SGMS1: variants seen among roughly 807,000 people sequenced by gnomAD.
SGMS1 encodes sphingomyelin synthase 1.
SGMS1 carries 13 observed loss-of-function variants against 46.2 expected under a neutral mutation model. That is an observed-to-expected ratio of 0.28 (90% CI 0.18 to 0.45). The LOEUF (loss-of-function observed/expected upper bound fraction) is 0.45. SGMS1 is among the 20% of genes least tolerant of loss of function. SGMS1 has a pLI of 1.00. For synonymous variants in SGMS1, 203 were observed against 187.8 expected (o/e 1.08, Z -0.66); for missense variants, 324 against 519.9 (o/e 0.62, Z 3.66).
intron 5 of SGMS1, among the ~76,000 whole-genome samples, chr10:50,439,333 T>TC (rs1849513363): frequency 6.6e-6 from 1 of 152,136 alleles, no homozygotes; most frequent in Admixed American, 6.5e-5. Context: ...GCAGGCCATC[T>TC]TTCCAAGCAG....
chr10:50,596,100 G>A (rs868399108), intron 1 of SGMS1, among the ~76,000 whole-genome samples: 1 of 151,860 alleles, frequency 6.6e-6, no homozygotes. Context: ...ACATTTTCTT[G>A]CTTCCATATA....
At position 50,320,642 on chromosome 10, in the gene SGMS1, G is replaced by A. The variant is rs568632278; in HGVS notation, c.741+6563C>T. 2.6e-5 allele frequency among the ~76,000 whole-genome samples: 4 copies of A among 152,268 alleles called. No individual in the cohort carries two copies. In the South Asian group the frequency reaches 8.3e-4, roughly 32 times the overall value. On this transcript the variant is annotated intron_variant, in intron 8 of 10. Coordinates refer to ENST00000361781, the MANE Select transcript of SGMS1 (RefSeq NM_147156.4). ...TTAAAATCTTCCCACAAGATTGACT[G>A]CCTGTCTGGAGTCATCTCTGGCCAC...
intron 6 of SGMS1, among the ~76,000 whole-genome samples, chr10:50,406,613 T>C (rs1055039321): frequency 6.6e-6 from 1 of 152,202 alleles, no homozygotes; most frequent in Non-Finnish European, 1.5e-5. Context: ...GAGTAGTAGA[T>C]GCTACCTATA....
intron 3 of SGMS1, among the ~76,000 whole-genome samples, chr10:50,505,787 G>A (rs922413852): frequency 1.3e-5 from 2 of 152,150 alleles, no homozygotes; most frequent in African/African-American, 4.8e-5. Context: ...GAAGTGGTCA[G>A]GGAAAGTCTC....
At chr10:50,329,333 T>C (rs993599879) in intron 7 of SGMS1, among the ~76,000 whole-genome samples, 10 of 152,198 alleles carry the variant, frequency 6.6e-5, no homozygotes, top group African/African-American at 2.4e-4. Context: ...TCAGTCACAT[T>C]TACTATTTGA....
chr10:50,499,315 G>A (rs1036823133), intron 3 of SGMS1, among the ~76,000 whole-genome samples: 1 of 152,150 alleles, frequency 6.6e-6, no homozygotes. Flanking sequence ...GTTCTTGGGA[G>A]AATTCACTTA....
intron 6 of SGMS1, among the ~76,000 whole-genome samples, chr10:50,412,099 G>A (rs1849108363): frequency 1.3e-5 from 2 of 152,172 alleles, no homozygotes. Context: ...TCCCAATGAT[G>A]TGAGGGGACA....
chr10:50,512,234 A>G (rs1482794043), intron 3 of SGMS1, among the ~76,000 whole-genome samples: 2 of 152,142 alleles, frequency 1.3e-5, no homozygotes, highest in Non-Finnish European at 2.9e-5. Context: ...AGATGGTGTG[A>G]GGGAGTAGGA....
intron 3 of SGMS1, among the ~76,000 whole-genome samples, chr10:50,507,608 T>C (rs544639516): frequency 6.6e-6 from 1 of 152,372 alleles, no homozygotes; most frequent in Non-Finnish European, 1.5e-5. Flanking sequence ...CTGATTTTTA[T>C]GATCCCTGTG....
At chr10:50,497,155 G>C (rs989567079) in intron 3 of SGMS1, among the ~76,000 whole-genome samples, 5 of 152,164 alleles carry the variant, frequency 3.3e-5, no homozygotes, top group Non-Finnish European at 5.9e-5. Context: ...TGAGAACTCT[G>C]CCTCCACCCA....
At chr10:50,623,562 G>C (rs950356424) in intron 1 of SGMS1, 145 bp downstream of exon 1, 1 of 983,674 alleles carries the variant, frequency 1.0e-6, no homozygotes, top group Non-Finnish European at 1.2e-6. Flanking sequence ...GTACGCGCGC[G>C]GCACCGCGCG....
chr10:50,610,958 C>G (rs1838744119), intron 1 of SGMS1, among the ~76,000 whole-genome samples: 1 of 152,156 alleles, frequency 6.6e-6, no homozygotes, highest in South Asian at 2.1e-4. Context: ...CAATGGCATA[C>G]AGGGGACATT....
At chr10:50,473,253 G>T (rs2133704667) in intron 3 of SGMS1, among the ~76,000 whole-genome samples, 1 of 152,264 alleles carries the variant, frequency 6.6e-6, no homozygotes, top group Admixed American at 6.5e-5. Flanking sequence ...AGTCCCACAA[G>T]CATGGGTTAT....
In SGMS1 at chr10:50,472,384, T is replaced by A. The variant is rs140976446; in HGVS notation, c.-497-5452A>T. Among the ~76,000 whole-genome samples, 825 of 152,292 alleles carry A rather than the reference T, an allele frequency of 5.4e-3. 13 individuals carry two copies. Among genetic ancestry groups the A allele is most frequent in the East Asian group, 0.045 (232 of 5,192 alleles). On this transcript the variant is annotated intron_variant, in intron 3 of 10. Transcript: ENST00000361781. ...TCCCAGCCTCTGGTAACCACCATTC[T>A]ACCCTCTACTTCTATGAGTTTGACT... is the stretch of plus-strand genomic sequence containing the variant.
intron 6 of SGMS1, among the ~76,000 whole-genome samples, chr10:50,353,655 G>A (rs1191494776): frequency 6.6e-6 from 1 of 152,298 alleles, no homozygotes; most frequent in East Asian, 1.9e-4. Context: ...AATTGTCCCT[G>A]TTTGCAGATG....
At chr10:50,612,000 T>C (rs905708380) in intron 1 of SGMS1, among the ~76,000 whole-genome samples, 1 of 152,198 alleles carries the variant, frequency 6.6e-6, no homozygotes, top group Non-Finnish European at 1.5e-5. Flanking sequence ...CTGCCTCTGC[T>C]GCTTTCACCC....
chr10:50,561,953 G>A (rs906820952), intron 2 of SGMS1, among the ~76,000 whole-genome samples: 6 of 151,998 alleles, frequency 3.9e-5, no homozygotes, highest in African/African-American at 1.2e-4. Flanking sequence ...TGACATCTCC[G>A]AGCCACCAGA....
At chr10:50,624,070 G>T (rs1211935618), upstream of SGMS1, 2 of 985,284 alleles carry the variant, frequency 2.0e-6, no homozygotes, top group African/African-American at 1.7e-5. Flanking sequence ...CGGGGTCCGC[G>T]GGGGGCTCCT....
chr10:50,455,565 T>C (rs1363181886), intron 5 of SGMS1, among the ~76,000 whole-genome samples: 1 of 152,238 alleles, frequency 6.6e-6, no homozygotes, highest in African/African-American at 2.4e-5. Flanking sequence ...GTTAAAAATA[T>C]CTTTGGAGAA....
Sources: allele counts gnomAD v4.1 joint callset (sites outside exome capture counted in the v4.1 genomes callset), GRCh38; gene constraint gnomAD v4.1.1; transcripts MANE v1.5; gene names NCBI Gene and HGNC (gene_info 2026-07-23, HGNC 2026-07-21).